The following SH3TC1 variants were observed in gnomAD, a reference collection of about 807,000 sequenced individuals.
SH3TC1 encodes SH3 domain and tetratricopeptide repeat-containing protein 1.
Under a neutral mutation model 117.3 loss-of-function variants are expected in SH3TC1, and 135 were observed. The ratio of observed to expected loss-of-function variants is 1.15; its 90% CI spans 1.00 to 1.33. The LOEUF is 1.33. SH3TC1 is among the 40% of genes most tolerant of loss of function. SH3TC1 has a pLI of 0.00. For missense variants in SH3TC1, 2,092 were observed against 1,794.3 expected (o/e 1.17, Z -3.00); for synonymous variants, 898 against 816.9 (o/e 1.10, Z -1.69).
At chr4:8,212,587 C>A in intron 3 of SH3TC1, 114 bp from the exon 4 acceptor site, 2 of 1,460,352 alleles carry the variant, frequency 1.4e-6, no homozygotes, top group Non-Finnish European at 9.3e-7. Context: ...GAGCTCACTG[C>A]CCAGGCCTTC....
Position 8,227,598 on chromosome 4 carries a change from C to T in SH3TC1, c.1904C>T (p.Pro635Leu). Residue 635 changes from proline to leucine, a missense_variant, in exon 12 of 18, where the codon CCT becomes CTT. Transcript: ENST00000245105. ...GCCATGGCCCTGCTCCTGGGGACGC[C>T]TGACCACATCTGCAGCACCGAGGCG... The part of the protein sequence containing the change: ...PKAMALLLGT[P>L]DHICSTEAEG... 6.6e-7 allele frequency: 1 copy of T among 1,520,856 alleles called. No individual in the cohort carries two copies. Among genetic ancestry groups the T allele is most frequent in the South Asian group, 1.3e-5 (1 of 75,358 alleles). 94.2% of individuals were successfully genotyped at this position (1,520,856 alleles called of 1,614,324 possible).
At chr4:8,226,605 TG>T (rs1211961142) in intron 11 of SH3TC1, among the ~76,000 whole-genome samples, 2 of 152,216 alleles carry the variant, frequency 1.3e-5, no homozygotes, top group Non-Finnish European at 1.5e-5. Context: ...TGCGTACACT[TG>T]GGTGCAGTTA....
rs1314933239 is a variant in SH3TC1, at chr4:8,227,921, G to A, written c.2227G>A (p.Gly743Ser). Residue 743 changes from glycine (G) to serine (S), a missense_variant, in exon 12 of 18, where the codon GGC becomes AGC. Physicochemically the swap from Gly to Ser is moderately conservative, Grantham distance 56. Transcript: ENST00000245105. ...ASLRTRGSLA[G>S]SLRSVNLVLQ... ...ATTGCGGACACGGGGCTCGCTGGCCGGCTCGCTGAGGAGTGTGAACCTGGT... is the reference window on the plus strand; with the variant it reads ...ATTGCGGACACGGGGCTCGCTGGCCAGCTCGCTGAGGAGTGTGAACCTGGT... The A allele has an allele frequency of 7.4e-6, 12 of 1,612,486 alleles. No individual in the cohort carries two copies. Among genetic ancestry groups the A allele is most frequent in the East Asian group, 2.2e-5 (1 of 44,888 alleles).
At chr4:8,233,864 A>G (rs1469047025) in intron 14 of SH3TC1, among the ~76,000 whole-genome samples, 1 of 148,906 alleles carries the variant, frequency 6.7e-6, no homozygotes, top group Non-Finnish European at 1.5e-5. Flanking sequence ...TCATCCATCC[A>G]TTCACCTATC....
chr4:8,223,823 CAG>C (rs1442479381), intron 10 of SH3TC1, among the ~76,000 whole-genome samples: 2 of 152,110 alleles, frequency 1.3e-5, no homozygotes, highest in African/African-American at 4.8e-5. Flanking sequence ...TTTATACAGA[CAG>C]AGTTTCGCCA....
chr4:8,212,571 C>T, intron 3 of SH3TC1, 130 bp from the exon 4 acceptor site: 3 of 1,306,722 alleles, frequency 2.3e-6, no homozygotes, highest in Non-Finnish European at 2.1e-6. Context: ...GGCTTGGGCT[C>T]CCCAGGAGCT....
At chr4:8,191,857 A>G (rs1717425609) in intron 1 of SH3TC1, among the ~76,000 whole-genome samples, 1 of 152,124 alleles carries the variant, frequency 6.6e-6, no homozygotes, top group Non-Finnish European at 1.5e-5. Flanking sequence ...CATTTTATAC[A>G]GGAGGAATCG....
intron 2 of SH3TC1, among the ~76,000 whole-genome samples, chr4:8,207,660 C>T (rs990625990): frequency 2.6e-5 from 4 of 152,230 alleles, no homozygotes; most frequent in Non-Finnish European, 4.4e-5. Flanking sequence ...AATTGCATCT[C>T]CATACTATAT....
chr4:8,203,273 G>GGT (rs1227081427), intron 1 of SH3TC1, among the ~76,000 whole-genome samples: 32 of 118,414 alleles, frequency 2.7e-4, no homozygotes, highest in South Asian at 1.8e-3. Flanking sequence ...CAGGTGTGCG[G>GGT]GTGCGTGTGT....
chr4:8,237,401 G>C (rs1294606070), intron 16 of SH3TC1, 73 bp from the exon 17 acceptor site: 12 of 1,301,708 alleles, frequency 9.2e-6, no homozygotes. Context: ...AGGCGAGCCA[G>C]GTGCTGCCGG....
rs374957004 is a variant in SH3TC1 at position 8,192,917 on chromosome 4, G to A, written c.-57+10707G>A. ...CATGACCAGGGTGGAGCAGTGAAGC[G>A]GGGCCTGACGTGATGTACCATGTTT... is the stretch of plus-strand genomic sequence containing the variant. On this transcript the variant is annotated intron_variant, in intron 1 of 16. Transcript: ENST00000508641. This position sits in a 1 kb window ranked among gnomAD's most constrained non-coding sequence, Gnocchi z 4.1. Among the ~76,000 whole-genome samples, 2 of 152,240 alleles carry A rather than the reference G, an allele frequency of 1.3e-5. No individual in the cohort carries two copies. Among genetic ancestry groups the A allele is most frequent in the South Asian group, 4.1e-4 (2 of 4,836 alleles).
intron 9 of SH3TC1, among the ~76,000 whole-genome samples, chr4:8,220,412 C>A (rs1399256565): frequency 6.6e-6 from 1 of 151,084 alleles, no homozygotes; most frequent in East Asian, 2.0e-4. Flanking sequence ...TCTGGCCATA[C>A]GCCTCTTCCT....
chr4:8,196,659 G>C (rs1717565050), upstream of SH3TC1, among the ~76,000 whole-genome samples: 1 of 152,196 alleles, frequency 6.6e-6, no homozygotes, highest in African/African-American at 2.4e-5. The surrounding 1 kb of genome is among the most constrained non-coding windows in gnomAD (Gnocchi z 4.6). Flanking sequence ...GAGGCAGAGG[G>C]AGCTGGACAG....
In SH3TC1 at chr4:8,203,107, C is replaced by T. The variant is rs986176364; in HGVS notation, c.-28-2060C>T. ...TCCTCATCCTGTACTAAACATTACA[C>T]AGGAGCTGCCTCTTGGGGAGCAGCC... On this transcript the variant is annotated intron_variant, in intron 1 of 17. Transcript: ENST00000245105. 3.2e-4 allele frequency among the ~76,000 whole-genome samples: 48 copies of T among 152,332 alleles called. 1 individual carries two copies. The highest frequency in any genetic ancestry group is 2.7e-3 in the Admixed American group (42 of 15,304).
chr4:8,239,868 A>C (rs903850055), intron 17 of SH3TC1, among the ~76,000 whole-genome samples: 5 of 152,184 alleles, frequency 3.3e-5, no homozygotes, highest in Non-Finnish European at 7.4e-5. Flanking sequence ...CACAGAGTCC[A>C]GTGTTCGGTG....
chr4:8,194,605 A>G (rs898813062), upstream of SH3TC1, among the ~76,000 whole-genome samples: 2 of 152,198 alleles, frequency 1.3e-5, no homozygotes, highest in East Asian at 1.9e-4. Flanking sequence ...ACGGGGAACA[A>G]TCTGGTGTAA....
chr4:8,218,511 G>A (rs774071418), intron 8 of SH3TC1, among the ~76,000 whole-genome samples, 164 bp downstream of exon 8: 6 of 152,168 alleles, frequency 3.9e-5, no homozygotes, highest in African/African-American at 7.2e-5. Context: ...GGCAAAAACC[G>A]CAATTACTTT....
chr4:8,223,861 C>T (rs1021691178), intron 10 of SH3TC1, among the ~76,000 whole-genome samples: 1 of 152,174 alleles, frequency 6.6e-6, no homozygotes, highest in Non-Finnish European at 1.5e-5. Context: ...TCTCGAACTC[C>T]TGAGCTCAGG....
In SH3TC1 at chr4:8,191,219, A is replaced by G. The variant is rs77914473; in HGVS notation, c.-57+9009A>G. Among the ~76,000 whole-genome samples, 508 of 152,342 alleles carry G rather than the reference A, an allele frequency of 3.3e-3. 3 individuals carry two copies. The highest frequency in any genetic ancestry group is 0.012 in the African/African-American group (486 of 41,582). On this transcript the variant is annotated intron_variant, in intron 1 of 16. Coordinates refer to the SH3TC1 transcript ENST00000508641. ...CAGGCAGACCCAGGGAGAAGGAAGG[A>G]CTGTGGACCTGCTGGGCCGCAGAGT...
Sources: allele counts gnomAD v4.1 joint callset (sites outside exome capture counted in the v4.1 genomes callset), GRCh38; gene constraint gnomAD v4.1.1; non-coding constraint Gnocchi (gnomAD v3.1); transcripts MANE v1.5; gene names NCBI Gene and HGNC (gene_info 2026-07-23, HGNC 2026-07-21).